VPS13B: variants seen among roughly 807,000 people sequenced by gnomAD.
VPS13B encodes the protein intermembrane lipid transfer protein VPS13B.
A neutral mutation model predicts 426.4 loss-of-function variants in VPS13B; 285 were observed. That is an observed-to-expected ratio of 0.67 (90% confidence interval 0.61 to 0.74). The LOEUF is 0.74. Ranked by LOEUF, VPS13B falls within the 30% of genes least tolerant of loss-of-function variation. The pLI is 0.00. For synonymous variants in VPS13B, 1,676 were observed against 1,676.4 expected (o/e 1.00, Z 0.01); for missense variants, 4,537 against 4,782.6 (o/e 0.95, Z 1.51).
chr8:99,692,025 G>A (rs1293072494), intron 35 of VPS13B, among the ~76,000 whole-genome samples: 1 of 151,084 alleles, frequency 6.6e-6, no homozygotes, highest in African/African-American at 2.4e-5. Context: ...CAATACAGGA[G>A]CACCCAGATT....
intron 16 of VPS13B, among the ~76,000 whole-genome samples, chr8:99,175,835 C>G (rs757809195): frequency 4.6e-5 from 7 of 152,148 alleles, no homozygotes; most frequent in African/African-American, 7.2e-5. Flanking sequence ...TGGCACCATT[C>G]AGAGCTGATA....
chr8:99,064,372 C>T (rs972503111), intron 3 of VPS13B, among the ~76,000 whole-genome samples: 3 of 152,240 alleles, frequency 2.0e-5, no homozygotes, highest in South Asian at 4.1e-4. Flanking sequence ...AAAGATTAGA[C>T]GAATGGCTAA....
rs1817654938 is a variant in VPS13B at position 99,875,472 on chromosome 8, T to TA, written c.11801dup (p.Tyr3934Ter). The change falls in exon 62 of 62, where the codon TAC (tyrosine) becomes TAAC (stop). Residue 3934 changes from tyrosine to a stop codon, truncating the protein, a stop_gained and frameshift_variant. Transcript: ENST00000357162. LOFTEE classifies it high-confidence loss of function. The stretch of plus-strand genomic sequence containing the variant: ...GCAACAGTACAACAGACTGGTGGAC[T>TA]ACATCACAAAGACATCTTGTCACCT... The part of the protein sequence containing the change: ...SEQQYNRLVD[Y>*]ITKTSCHLAP... 6.2e-7 allele frequency: 1 copy of TA among 1,614,108 alleles called. No homozygotes were observed. Among genetic ancestry groups the TA allele is most frequent in the Admixed American group, 1.7e-5 (1 of 60,010 alleles).
chr8:99,505,276 TC>T (rs1198017387), intron 27 of VPS13B, among the ~76,000 whole-genome samples: 11 of 152,216 alleles, frequency 7.2e-5, no homozygotes, highest in Non-Finnish European at 1.5e-4. Context: ...TCAAGAACCT[TC>T]CTTTTCATTC....
chr8:99,324,711 C>T (rs531566628), intron 19 of VPS13B, among the ~76,000 whole-genome samples: 2 of 152,150 alleles, frequency 1.3e-5, no homozygotes, highest in East Asian at 1.9e-4. Context: ...TTGTTGATCA[C>T]GTATTTCAAG....
chr8:99,511,648 G>A, intron 29 of VPS13B, 136 bp downstream of exon 29: 2 of 833,296 alleles, frequency 2.4e-6, no homozygotes, highest in South Asian at 3.8e-5. Flanking sequence ...TTTATAGAGA[G>A]GAAATATAGA....
chr8:99,709,024 T>C (rs1832606203), intron 36 of VPS13B, among the ~76,000 whole-genome samples: 1 of 152,116 alleles, frequency 6.6e-6, no homozygotes, highest in South Asian at 2.1e-4. Context: ...TCAACATAAT[T>C]GGTTGAAGGA....
chr8:99,809,281 A>G, intron 43 of VPS13B, 94 bp from the exon 44 acceptor site: 1 of 1,516,802 alleles, frequency 6.6e-7, no homozygotes, highest in Non-Finnish European at 9.1e-7. Flanking sequence ...AAATATTACA[A>G]ATGGAAAGGT....
Position 99,467,401 on chromosome 8 carries a change from TC to T in VPS13B, c.3446-9del. On this transcript the variant is annotated splice_polypyrimidine_tract_variant and intron_variant, in intron 23 of 61. Transcript: ENST00000357162. ...TTGTGTGCTTCCCTATTCCCTTTTATCCCCTATATCAGGTGATGCTTTTCCT... is the reference window on the plus strand; with the variant it reads ...TTGTGTGCTTCCCTATTCCCTTTTATCCCTATATCAGGTGATGCTTTTCCT... The T allele has an allele frequency of 6.2e-7, 1 of 1,611,954 alleles. No homozygotes were observed. Among genetic ancestry groups the T allele is most frequent in the Non-Finnish European group, 8.5e-7 (1 of 1,178,176 alleles).
chr8:99,442,514 C>A lies in VPS13B; in HGVS notation c.3324C>A (p.Thr1108=), dbSNP rs762308992. ...TAAGAAGTTGGTACCATGGACAAAC[C>A]AGCATGCCGGGAACACTTGTCCTCT... ...GTVRSWYHGQ[T]SMPGTLVLCL... Residue 1108 remains threonine, a synonymous_variant, in exon 23 of 62, where the codon ACC becomes ACA. Coordinates refer to ENST00000357162, the MANE Select transcript of VPS13B (RefSeq NM_152564.5). 3.7e-6 allele frequency: 6 copies of A among 1,613,958 alleles called. No individual in the cohort carries two copies. Among genetic ancestry groups the A allele is most frequent in the South Asian group, 1.1e-5 (1 of 91,078 alleles).
intron 33 of VPS13B, among the ~76,000 whole-genome samples, chr8:99,640,007 T>TAAGAAGAAGAAGAAGAAGAAGAAG (rs1212185455): frequency 1.3e-5 from 1 of 76,282 alleles, no homozygotes; most frequent in African/African-American, 5.5e-5. Context: ...ATAATAATAA[T>TAAGAAGAAGAAGAAGAAGAAGAAG]AATAATAATA....
At chr8:99,762,549 A>T (rs1810984098) in intron 39 of VPS13B, among the ~76,000 whole-genome samples, 1 of 152,212 alleles carries the variant, frequency 6.6e-6, no homozygotes, top group African/African-American at 2.4e-5. Flanking sequence ...CTGTGGGTAC[A>T]GTGTTCCTGA....
chr8:99,528,273 ATTAG>A (rs1822754857), intron 30 of VPS13B, among the ~76,000 whole-genome samples: 1 of 152,088 alleles, frequency 6.6e-6, no homozygotes, highest in Non-Finnish European at 1.5e-5. Context: ...GAATAGCCTT[ATTAG>A]TTATTAATAC....
intron 22 of VPS13B, among the ~76,000 whole-genome samples, chr8:99,433,387 T>A (rs1295021400): frequency 6.6e-6 from 1 of 152,214 alleles, no homozygotes; most frequent in Non-Finnish European, 1.5e-5. Flanking sequence ...AAAGGCCTGT[T>A]ATATACAGAT....
At chr8:99,087,281 G>A (rs991545005) in intron 3 of VPS13B, among the ~76,000 whole-genome samples, 1 of 152,190 alleles carries the variant, frequency 6.6e-6, no homozygotes, top group Non-Finnish European at 1.5e-5. Context: ...ATCTCCTGGT[G>A]TGCCGTTTGC....
At chr8:99,064,579 A>G (rs1844371061) in intron 3 of VPS13B, among the ~76,000 whole-genome samples, 1 of 152,210 alleles carries the variant, frequency 6.6e-6, no homozygotes. Flanking sequence ...AAAGAAATGA[A>G]CAAAGCCTTC....
chr8:99,072,178 C>T (rs1176534742), intron 3 of VPS13B, among the ~76,000 whole-genome samples: 3 of 152,160 alleles, frequency 2.0e-5, no homozygotes, highest in South Asian at 2.1e-4. Flanking sequence ...GCTGGGAATA[C>T]GCTGGGTCAC....
intron 17 of VPS13B, among the ~76,000 whole-genome samples, chr8:99,273,130 A>G (rs971090975): frequency 1.5e-4 from 23 of 150,016 alleles, no homozygotes; most frequent in African/African-American, 5.6e-4. Context: ...CCTGACCAAA[A>G]TATTTCAGAG....
intron 19 of VPS13B, among the ~76,000 whole-genome samples, chr8:99,350,902 G>A (rs1811845830): frequency 6.6e-6 from 1 of 151,708 alleles, no homozygotes; most frequent in Admixed American, 6.6e-5. Flanking sequence ...ATTGTAATAT[G>A]TAATATTTTG....
Sources: gnomAD v4.1 joint callset for allele counts (sites outside exome capture counted in the v4.1 genomes callset) on GRCh38, gnomAD v4.1.1 for gene constraint, MANE v1.5 for transcripts, NCBI Gene and HGNC (gene_info 2026-07-23, HGNC 2026-07-21) for gene names.